EIF2B3: variants seen among roughly 807,000 people sequenced by gnomAD.
The protein encoded by EIF2B3 is translation initiation factor eIF2B subunit gamma.
EIF2B3 carries 20 observed loss-of-function variants against 54.1 expected under a neutral mutation model. The ratio of observed to expected loss-of-function variants is 0.37; its 90% CI spans 0.26 to 0.54. The LOEUF (loss-of-function observed/expected upper bound fraction) is 0.54. Ranked by LOEUF, EIF2B3 falls within the 20% of genes least tolerant of loss-of-function variation. The pLI, the probability that EIF2B3 is intolerant of heterozygous loss-of-function variation, is 0.86. For synonymous variants in EIF2B3, 153 were observed against 188.1 expected (o/e 0.81, Z 1.52); for missense variants, 448 against 547.8 (o/e 0.82, Z 1.82).
At chr1:44,942,871 T>G (rs1346891747) in intron 3 of EIF2B3, among the ~76,000 whole-genome samples, 1 of 151,992 alleles carries the variant, frequency 6.6e-6, no homozygotes, top group Non-Finnish European at 1.5e-5. Flanking sequence ...TTATTTATTT[T>G]TTGAGACAGA....
chr1:44,872,257 T>C (rs1654990215), intron 10 of EIF2B3, among the ~76,000 whole-genome samples: 2 of 151,730 alleles, frequency 1.3e-5, no homozygotes, highest in Admixed American at 1.3e-4. Flanking sequence ...GGTCTCAAAC[T>C]CCTGGGCTCA....
At chr1:44,945,906 T>A (rs1644096637) in intron 3 of EIF2B3, among the ~76,000 whole-genome samples, 1 of 152,154 alleles carries the variant, frequency 6.6e-6, no homozygotes, top group Non-Finnish European at 1.5e-5. Flanking sequence ...ATTGAACTAT[T>A]AAGTATACTC....
chr1:44,957,697 G>T (rs1218732874), intron 3 of EIF2B3, among the ~76,000 whole-genome samples: 1 of 152,100 alleles, frequency 6.6e-6, no homozygotes, highest in Non-Finnish European at 1.5e-5. Context: ...AGAGGTGAAG[G>T]CTGCAGTGAG....
Position 44,915,297 on chromosome 1 carries a change from C to A in EIF2B3, c.566+11331G>T, listed in dbSNP as rs561709264. On this transcript the variant is annotated intron_variant, in intron 5 of 11. Coordinates refer to ENST00000360403, the MANE Select transcript of EIF2B3 (RefSeq NM_020365.5). The stretch of plus-strand genomic sequence containing the variant: ...TCTGGGTGACAGAGTGAGACCCTGT[C>A]TCAAAAAAAAAAAATTATTATTATT... 4.1e-3 allele frequency among the ~76,000 whole-genome samples: 600 copies of A among 145,518 alleles called. 5 individuals carry two copies. Among genetic ancestry groups the A allele is most frequent in the African/African-American group, 0.014 (568 of 40,270 alleles).
rs57964686 is a variant in EIF2B3, at chr1:44,978,621, C to CTTTTTTT, written c.149-168_149-162dup. ...TTTACCTGCATTCCCCCAATAAATTCTTTTTTTTTTTTTTTTTTTTTTTTT... is the reference window on the plus strand; with the variant it reads ...TTTACCTGCATTCCCCCAATAAATTCTTTTTTTTTTTTTTTTTTTTTTTTTTTTTTTT... On this transcript the variant is annotated intron_variant, in intron 2 of 11. Coordinates refer to ENST00000360403, the MANE Select transcript of EIF2B3 (RefSeq NM_020365.5). Among the ~76,000 whole-genome samples, 49 of 76,634 alleles carry CTTTTTTT rather than the reference C, an allele frequency of 6.4e-4. 12 individuals carry two copies. The highest frequency in any genetic ancestry group is 2.4e-3 in the African/African-American group (37 of 15,318). 50.3% of individuals were successfully genotyped at this position (76,634 alleles called of 152,430 possible).
At chr1:44,971,981 G>A (rs910792377) in intron 3 of EIF2B3, among the ~76,000 whole-genome samples, 15 of 151,962 alleles carry the variant, frequency 9.9e-5, no homozygotes, top group Non-Finnish European at 1.8e-4. Context: ...GCAGTAAGCC[G>A]AGATTGCACC....
At chr1:44,937,885 A>G (rs1643971772) in intron 4 of EIF2B3, among the ~76,000 whole-genome samples, 2 of 41,414 alleles carry the variant, frequency 4.8e-5, no homozygotes, top group Non-Finnish European at 8.7e-5. Flanking sequence ...CTCCGTCTCA[A>G]AAAAAAAAAA....
chr1:44,887,056 G>A (rs1655613252), intron 6 of EIF2B3, among the ~76,000 whole-genome samples: 1 of 152,174 alleles, frequency 6.6e-6, no homozygotes, highest in Non-Finnish European at 1.5e-5. Context: ...TGGGGATTGT[G>A]GGTAAGCTCT....
chr1:44,917,584 T>G (rs1009823881), intron 5 of EIF2B3, among the ~76,000 whole-genome samples: 5 of 151,706 alleles, frequency 3.3e-5, no homozygotes, highest in South Asian at 2.1e-4. Flanking sequence ...TTTAAAAAAT[T>G]AAAATTGAAG....
chr1:44,915,952 G>GT (rs988908942), intron 5 of EIF2B3, among the ~76,000 whole-genome samples: 1 of 151,932 alleles, frequency 6.6e-6, no homozygotes, highest in African/African-American at 2.4e-5. Flanking sequence ...AATTATTATG[G>GT]TTTTTTTAGG....
At chr1:44,940,391 C>T (rs947800988) in intron 4 of EIF2B3, among the ~76,000 whole-genome samples, 3 of 152,004 alleles carry the variant, frequency 2.0e-5, no homozygotes, top group Admixed American at 6.6e-5. Flanking sequence ...AAAAGGACTA[C>T]TAGAATCCTA....
At chr1:44,887,701 G>A (rs775695324) in intron 6 of EIF2B3, among the ~76,000 whole-genome samples, 3 of 152,130 alleles carry the variant, frequency 2.0e-5, no homozygotes, top group Non-Finnish European at 2.9e-5. Flanking sequence ...CACTTTGGGA[G>A]GCCAAGGCGG....
chr1:44,925,178 T>G lies in EIF2B3; in HGVS notation c.566+1450A>C, dbSNP rs1380824371. ...CTACCATATGATCCAGTAATCCCACTTCTAAATATATATCCAAAAGAACTG... is the reference window on the plus strand; with the variant it reads ...CTACCATATGATCCAGTAATCCCACGTCTAAATATATATCCAAAAGAACTG... On this transcript the variant is annotated intron_variant, in intron 5 of 11. Coordinates refer to ENST00000360403, the MANE Select transcript of EIF2B3 (RefSeq NM_020365.5). The G allele has an allele frequency of 2.6e-5, 4 of 152,318 alleles. No individual in the cohort carries two copies. The East Asian group carries it at 5.8e-4, about 22-fold the overall frequency. The allele number at this position is 152,318 out of a possible 1,614,324, so 9.4% of individuals were successfully genotyped here.
At chr1:44,919,532 A>G (rs2148927956) in intron 5 of EIF2B3, among the ~76,000 whole-genome samples, 1 of 152,198 alleles carries the variant, frequency 6.6e-6, no homozygotes, top group East Asian at 1.9e-4. Flanking sequence ...CAAAATGTTG[A>G]AACACATCAC....
At chr1:44,939,024 C>G (rs1643989133) in intron 4 of EIF2B3, among the ~76,000 whole-genome samples, 1 of 149,040 alleles carries the variant, frequency 6.7e-6, no homozygotes, top group African/African-American at 2.5e-5. Context: ...TTGCTTGAGC[C>G]CAGGAAGCAG....
chr1:44,942,403 A>ATATACATATATATATGTG (rs1644038463), intron 3 of EIF2B3, among the ~76,000 whole-genome samples: 2 of 15,990 alleles, frequency 1.3e-4, no homozygotes, highest in Non-Finnish European at 2.1e-4. Flanking sequence ...ATATATATAT[A>ATATACATATATATATGTG]TATATATATA....
intron 6 of EIF2B3, among the ~76,000 whole-genome samples, chr1:44,886,023 GCGTAAGCTAC>G (rs905134068): frequency 1.3e-5 from 2 of 151,538 alleles, no homozygotes; most frequent in African/African-American, 4.9e-5. Flanking sequence ...GGGATTACAG[GCGTAAGCTAC>G]CGTGCCTGGC....
chr1:44,859,261 A>G (rs1252239363), intron 10 of EIF2B3, among the ~76,000 whole-genome samples: 2 of 152,202 alleles, frequency 1.3e-5, no homozygotes, highest in African/African-American at 4.8e-5. Context: ...TGATCGCACC[A>G]CCGCACTCTA....
rs567422041 is a variant in EIF2B3 at position 44,895,481 on chromosome 1, A to G, written c.656+1874T>C. Reference sequence around the variant, plus strand: ...ACTGTCAGTTTTTTGAAGGTGTGATAATGATATTAAGGTATTTATTTAAAA... The same window carrying G: ...ACTGTCAGTTTTTTGAAGGTGTGATGATGATATTAAGGTATTTATTTAAAA... On this transcript the variant is annotated intron_variant, in intron 6 of 11. Coordinates refer to ENST00000360403, the MANE Select transcript of EIF2B3 (RefSeq NM_020365.5). Among the ~76,000 whole-genome samples the G allele has an allele frequency of 2.0e-5, 3 of 152,166 alleles. No individual in the cohort carries two copies. The South Asian group carries it at 6.2e-4, about 32-fold the overall frequency.
Sources: allele counts gnomAD v4.1 joint callset (sites outside exome capture counted in the v4.1 genomes callset), GRCh38; gene constraint gnomAD v4.1.1; transcripts MANE v1.5; gene names NCBI Gene and HGNC (gene_info 2026-07-23, HGNC 2026-07-21).